The following LTBP2 variants were observed in gnomAD, a reference collection of about 807,000 sequenced individuals.
LTBP2 encodes the protein latent transforming growth factor beta binding protein 2.
LTBP2 carries 103 observed loss-of-function variants against 210.6 expected under a neutral mutation model. The observed-to-expected ratio is 0.49, with a 90% CI of 0.42 to 0.58. The LOEUF is 0.58. Ranked by LOEUF, LTBP2 falls within the 20% of genes least tolerant of loss-of-function variation. LTBP2 has a pLI of 0.00. For synonymous variants in LTBP2, 1,007 were observed against 1,015.0 expected (o/e 0.99, Z 0.15); for missense variants, 2,313 against 2,494.5 (o/e 0.93, Z 1.55).
rs549156119 is a variant in LTBP2 at position 74,501,003 on chromosome 14, C to T, written c.5347G>A (p.Gly1783Arg). Residue 1783 changes from glycine (G) to arginine (R), a missense_variant, in exon 36 of 36, where the codon GGG (glycine) becomes AGG (arginine). Coordinates refer to ENST00000261978, the MANE Select transcript of LTBP2 (RefSeq NM_000428.3). ...CCATGGACACAGAGCACAGCAGGCC[C>T]GTTCAAGTCATCACACTCATTCACA... ...VDVNECDDLNGPAVLCVHGYC... is the reference protein window; with the variant it reads ...VDVNECDDLNRPAVLCVHGYC... 5.1e-5 allele frequency: 82 copies of T among 1,613,972 alleles called. 1 individual carries two copies. In the South Asian group the frequency reaches 6.3e-4, roughly 12 times the overall value.
At chr14:74,545,952 A>G (rs2087570268) in intron 8 of LTBP2, among the ~76,000 whole-genome samples, 1 of 152,232 alleles carries the variant, frequency 6.6e-6, no homozygotes, top group African/African-American at 2.4e-5. Context: ...GCATTCTGGA[A>G]CAAAAGGGAT....
chr14:74,611,043 C>T (rs888571592), intron 1 of LTBP2, among the ~76,000 whole-genome samples: 2 of 152,204 alleles, frequency 1.3e-5, no homozygotes, highest in African/African-American at 4.8e-5. Context: ...GCGCTCTGAG[C>T]CAGCTCAACC....
chr14:74,534,944 G>A (rs369994856), intron 9 of LTBP2, among the ~76,000 whole-genome samples: 1 of 152,214 alleles, frequency 6.6e-6, no homozygotes, highest in East Asian at 1.9e-4. Context: ...TAACCTTAAA[G>A]CTCCAGATTG....
At position 74,503,562 on chromosome 14, in the gene LTBP2, C is replaced by T. The variant is rs562875957; in HGVS notation, c.4627G>A (p.Val1543Ile). The change falls in exon 32 of 36, where the codon GTC becomes ATC. Residue 1543 changes from valine to isoleucine, a missense_variant. This residue lies in a region of LTBP2 where 443 missense variants were observed against 501.4 expected (regional missense o/e 0.88). Transcript: ENST00000261978. Reference protein sequence around the residue: ...QDLACENGECVNTEGSFHCFC... With the variant: ...QDLACENGECINTEGSFHCFC... The stretch of plus-strand genomic sequence containing the variant: ...CAGTGGAAGGAGCCCTCCGTGTTGA[C>T]GCACTCGCCATTCTCACAGGCCAGG... 1.4e-5 allele frequency: 23 copies of T among 1,613,812 alleles called. No homozygotes were observed. Among genetic ancestry groups the T allele is most frequent in the South Asian group, 5.5e-5 (5 of 91,048 alleles).
intron 3 of LTBP2, among the ~76,000 whole-genome samples, chr14:74,577,681 G>T (rs1365605203): frequency 6.6e-6 from 1 of 151,760 alleles, no homozygotes; most frequent in Non-Finnish European, 1.5e-5. Context: ...GCTAATTTTT[G>T]TATCTTTAGT....
chr14:74,598,420 T>C (rs924234820), intron 2 of LTBP2, among the ~76,000 whole-genome samples: 1 of 152,184 alleles, frequency 6.6e-6, no homozygotes, highest in Non-Finnish European at 1.5e-5. Flanking sequence ...CTGATAGAAC[T>C]TGGGCAACAG....
chr14:74,578,302 T>C (rs545233294), intron 3 of LTBP2, among the ~76,000 whole-genome samples: 12 of 152,308 alleles, frequency 7.9e-5, no homozygotes, highest in Admixed American at 6.5e-5. Context: ...GGACCGACTG[T>C]GTGGCAGACA....
chr14:74,576,527 A>C (rs1019281721), intron 3 of LTBP2, among the ~76,000 whole-genome samples: 2 of 152,122 alleles, frequency 1.3e-5, no homozygotes, highest in Non-Finnish European at 2.9e-5. Context: ...AAGGACTCTC[A>C]AGTTGAGGTT....
intron 10 of LTBP2, among the ~76,000 whole-genome samples, chr14:74,530,804 G>T (rs6574182): frequency 0.31 from 46,572 of 152,104 alleles, 7,633 homozygotes; most frequent in African/African-American, 0.42. Context: ...TGAGAGGCAC[G>T]GGGCCCAGCC....
intron 14 of LTBP2, among the ~76,000 whole-genome samples, chr14:74,525,542 A>T (rs1339981382): frequency 6.6e-6 from 1 of 152,196 alleles, no homozygotes; most frequent in Non-Finnish European, 1.5e-5. Context: ...TCCCACTTCA[A>T]CATTCTTTCA....
At position 74,509,656 on chromosome 14, in the gene LTBP2, G is replaced by A. The variant is rs1213626623; in HGVS notation, c.3277+78C>T. ...AGCCCCTCGGCATCAGCCCCAAACT[G>A]GGGACAAATTGAGTGTTCTTTGGGA... On this transcript the variant is annotated intron_variant, in intron 21 of 35. Coordinates refer to ENST00000261978, the MANE Select transcript of LTBP2 (RefSeq NM_000428.3). The A allele has an allele frequency of 1.9e-6, 3 of 1,602,238 alleles. No individual in the cohort carries two copies. The African/African-American group carries it at 4.0e-5, about 21-fold the overall frequency.
chr14:74,528,732 G>C, intron 11 of LTBP2, 34 bp from the exon 12 acceptor site: 1 of 1,604,860 alleles, frequency 6.2e-7, no homozygotes, highest in South Asian at 1.1e-5. Context: ...CAAACTGAGA[G>C]GTGCTGTTCC....
intron 25 of LTBP2, among the ~76,000 whole-genome samples, chr14:74,507,652 A>G (rs1395860832): frequency 6.6e-6 from 1 of 152,208 alleles, no homozygotes; most frequent in Non-Finnish European, 1.5e-5. Context: ...AGTTGTCTTC[A>G]TATCTGTCTC....
Position 74,508,730 on chromosome 14 carries a change from C to G in LTBP2, c.3527-1G>C, listed in dbSNP as rs778560568. On this transcript the variant is annotated splice_acceptor_variant, in intron 23 of 35. Transcript: ENST00000261978. LOFTEE classifies it high-confidence loss of function. Reference sequence around the variant, plus strand: ...TCCTCCCCCATGCACTCATTCACATCTGCAGGGAAAAGATGGGGAGTGGGT... The same window carrying G: ...TCCTCCCCCATGCACTCATTCACATGTGCAGGGAAAAGATGGGGAGTGGGT... 2 of 1,613,760 alleles carry G rather than the reference C, an allele frequency of 1.2e-6. No individual in the cohort carries two copies. Among genetic ancestry groups the G allele is most frequent in the Admixed American group, 3.3e-5 (2 of 60,014 alleles).
In LTBP2 at chr14:74,584,649, C is replaced by T. The variant is rs1001617069; in HGVS notation, c.830+1205G>A. 4.6e-5 allele frequency among the ~76,000 whole-genome samples: 7 copies of T among 152,326 alleles called. 2 individuals carry two copies. The South Asian group carries it at 1.4e-3, about 32-fold the overall frequency. ...CTGCTGCAGCACCCCTGGGCCTTGGCTGCAGGGTTTGGCTCTTTTGCTCTT... is the reference window on the plus strand; with the variant it reads ...CTGCTGCAGCACCCCTGGGCCTTGGTTGCAGGGTTTGGCTCTTTTGCTCTT... On this transcript the variant is annotated intron_variant, in intron 3 of 35. Transcript: ENST00000261978.
chr14:74,553,209 T>C (rs1374750048), intron 4 of LTBP2, 147 bp from the exon 5 acceptor site: 2 of 778,204 alleles, frequency 2.6e-6, no homozygotes. Flanking sequence ...GGTCCCATCG[T>C]AGGGGCAAGG....
rs2088616314 is a variant in LTBP2, at chr14:74,611,795, C to G, written c.150G>C (p.Ala50=). 6.2e-7 allele frequency: 1 copy of G among 1,611,102 alleles called. No homozygotes were observed. Among genetic ancestry groups the G allele is most frequent in the Non-Finnish European group, 8.5e-7 (1 of 1,179,606 alleles). The change falls in exon 1 of 36, where the codon GCG becomes GCC. Residue 50 remains alanine (A), a synonymous_variant. Coordinates refer to ENST00000261978, the MANE Select transcript of LTBP2 (RefSeq NM_000428.3). ...TGCCCCCAGGGCGCCGCAGTCGATT[C>G]GCGTCTCCACCAGCCGGCTCGTATC... is the stretch of plus-strand genomic sequence containing the variant. ...VGRYEPAGGD[A]NRLRRPGGSY...
At chr14:74,527,047 C>T (rs2087282244) in intron 13 of LTBP2, among the ~76,000 whole-genome samples, 1 of 152,204 alleles carries the variant, frequency 6.6e-6, no homozygotes, top group South Asian at 2.1e-4. Context: ...GAGTGACAGC[C>T]AGGCCTAACA....
chr14:74,529,265 C>T (rs1595256048), intron 10 of LTBP2, 143 bp from the exon 11 acceptor site: 1 of 959,906 alleles, frequency 1.0e-6, no homozygotes, highest in East Asian at 2.6e-5. Context: ...GTTTGGAGCC[C>T]TGCAAATGCT....
Sources: gnomAD v4.1 joint callset for allele counts (sites outside exome capture counted in the v4.1 genomes callset) on GRCh38, gnomAD v4.1.1 for gene constraint, gnomAD v4.1.1 regional missense constraint, MANE v1.5 for transcripts, NCBI Gene and HGNC (gene_info 2026-07-23, HGNC 2026-07-21) for gene names.